Variants in RANBP2 observed in about 807,000 individuals in gnomAD.
RANBP2 encodes E3 SUMO-protein ligase RanBP2.
In RANBP2, 57 loss-of-function variants were observed where a neutral mutation model predicts 303.6. The observed-to-expected ratio is 0.19, with a 90% CI of 0.15 to 0.23. The LOEUF is 0.23. Among genes scored for constraint, RANBP2 ranks in the 10% least tolerant of loss-of-function variants. The probability of loss-of-function intolerance (pLI) is 1.00; values close to 1 mark genes in which losing one functional copy is unlikely to be tolerated. For synonymous variants in RANBP2, 1,167 were observed against 1,301.5 expected (o/e 0.90, Z 2.23); for missense variants, 3,138 against 3,780.8 (o/e 0.83, Z 4.46).
chr2:108,767,992 G>A lies in RANBP2; in HGVS notation c.7453G>A (p.Gly2485Ser), dbSNP rs762045694. 1 of 1,611,866 alleles carries A rather than the reference G, an allele frequency of 6.2e-7. No individual in the cohort carries two copies. Among genetic ancestry groups the A allele is most frequent in the Admixed American group, 1.7e-5 (1 of 59,998 alleles). ...TTRERTDVIQ[G>S]DDVADATSEV... ...AAGAGAGAGGACAGATGTTATTCAG[G>A]GTGATGATGTAGCAGATGCAACTTC... is the stretch of plus-strand genomic sequence containing the variant. Residue 2485 changes from glycine (G) to serine (S), a missense_variant, in exon 20 of 29, where the codon GGT becomes AGT. Physicochemically the swap from Gly to Ser is moderately conservative, Grantham distance 56. This residue lies in a region of RANBP2 where 497 missense variants were observed against 465.8 expected (regional missense o/e 1.07). Coordinates refer to ENST00000283195, the MANE Select transcript of RANBP2 (RefSeq NM_006267.5).
chr2:108,811,241 C>CTTTT, the RANBP2 span, among the ~76,000 whole-genome samples: 1 of 46,820 alleles, frequency 2.1e-5, no homozygotes, highest in Admixed American at 2.7e-4. Context: ...CTTTCTTTCT[C>CTTTT]TCTCTCTTTT....
chr2:109,424,760 C>G, the RANBP2 span, among the ~76,000 whole-genome samples: 2 of 152,150 alleles, frequency 1.3e-5, no homozygotes, highest in African/African-American at 4.8e-5. Flanking sequence ...CCCACCGTTT[C>G]CCCCATCTCT....
At chr2:109,304,746 G>A in the RANBP2 span, among the ~76,000 whole-genome samples, 1,334 of 152,306 alleles carry the variant, frequency 8.8e-3, 15 homozygotes, top group African/African-American at 0.031. Flanking sequence ...AATCTAGGGA[G>A]AGGTGCAGCC....
the RANBP2 span, among the ~76,000 whole-genome samples, chr2:109,487,004 C>G: frequency 6.6e-6 from 1 of 152,076 alleles, no homozygotes; most frequent in Non-Finnish European, 1.5e-5. Context: ...GGAAAGTGAT[C>G]CCCCCAACAG....
chr2:109,469,375 T>C, the RANBP2 span, among the ~76,000 whole-genome samples: 1 of 151,974 alleles, frequency 6.6e-6, no homozygotes, highest in Non-Finnish European at 1.5e-5. Context: ...CGTGCTTTGC[T>C]TTGGGGCCAG....
intron 21 of RANBP2, 50 bp from the exon 22 acceptor site, chr2:108,772,439 A>G (rs1677572209): frequency 1.3e-6 from 2 of 1,525,266 alleles, no homozygotes; most frequent in African/African-American, 1.4e-5. Context: ...CTAAGCAAGG[A>G]AAACCCCCCA....
At chr2:108,798,421 GATACAGTGT>G in the RANBP2 span, 1 of 1,602,976 alleles carries the variant, frequency 6.2e-7, no homozygotes, top group African/African-American at 1.3e-5. Context: ...CTGGCATTTT[GATACAGTGT>G]GAAACTGCAG....
chr2:108,723,542 C>G (rs1347699431), intron 1 of RANBP2, among the ~76,000 whole-genome samples: 1 of 152,030 alleles, frequency 6.6e-6, no homozygotes, highest in African/African-American at 2.4e-5. Context: ...CCCAAAGTGC[C>G]GGGGTTACAG....
chr2:109,329,122 G>T, the RANBP2 span, among the ~76,000 whole-genome samples: 6 of 152,106 alleles, frequency 3.9e-5, no homozygotes, highest in Admixed American at 2.6e-4. Flanking sequence ...ATCTCCAAAT[G>T]TTCCCCTCTC....
chr2:108,966,691 T>C, the RANBP2 span, among the ~76,000 whole-genome samples: 1 of 152,214 alleles, frequency 6.6e-6, no homozygotes, highest in Non-Finnish European at 1.5e-5. Flanking sequence ...GAGCTTCAGC[T>C]GTGTTGGCTC....
chr2:109,358,214 A>G, the RANBP2 span, among the ~76,000 whole-genome samples: 1 of 152,190 alleles, frequency 6.6e-6, no homozygotes, highest in Non-Finnish European at 1.5e-5. Context: ...ATGTCTTTTC[A>G]TAGCTTAATA....
chr2:108,816,024 T>G, the RANBP2 span: 2 of 1,613,806 alleles, frequency 1.2e-6, no homozygotes, highest in South Asian at 1.1e-5. Flanking sequence ...AAGTGAAACA[T>G]GAAGAATCTG....
the RANBP2 span, among the ~76,000 whole-genome samples, chr2:109,610,095 G>GT: frequency 0.17 from 23,913 of 143,252 alleles, 2,233 homozygotes; most frequent in South Asian, 0.24. Flanking sequence ...TCCCTGAGGT[G>GT]TTTTTTTTTT....
chr2:109,533,026 A>G, the RANBP2 span, among the ~76,000 whole-genome samples: 1 of 151,802 alleles, frequency 6.6e-6, no homozygotes, highest in East Asian at 2.0e-4. Flanking sequence ...TGGGGCTCAC[A>G]CTCTAGAGAC....
the RANBP2 span, among the ~76,000 whole-genome samples, chr2:109,541,692 CT>C: frequency 6.6e-6 from 1 of 152,240 alleles, no homozygotes; most frequent in Non-Finnish European, 1.5e-5. Flanking sequence ...CATGCTGTGC[CT>C]TGTACTAGGA....
chr2:109,636,564 A>G, the RANBP2 span, among the ~76,000 whole-genome samples: 1 of 152,200 alleles, frequency 6.6e-6, no homozygotes, highest in African/African-American at 2.4e-5. Flanking sequence ...ATATGACAAC[A>G]GAATGCAACA....
At chr2:109,035,645 C>T in the RANBP2 span, among the ~76,000 whole-genome samples, 1 of 152,170 alleles carries the variant, frequency 6.6e-6, no homozygotes, top group Non-Finnish European at 1.5e-5. Flanking sequence ...TGGCAATACC[C>T]ACCCTATCCC....
the RANBP2 span, among the ~76,000 whole-genome samples, chr2:109,486,209 T>A: frequency 1.5e-4 from 23 of 152,372 alleles, no homozygotes; most frequent in East Asian, 4.2e-3. Context: ...CATTGGCTTC[T>A]GATTGATCAC....
At chr2:109,395,922 G>C in the RANBP2 span, among the ~76,000 whole-genome samples, 1 of 152,228 alleles carries the variant, frequency 6.6e-6, no homozygotes, top group Non-Finnish European at 1.5e-5. Context: ...GGTCACAGGA[G>C]GACTAAGTGA....
Sources: allele counts gnomAD v4.1 joint callset (sites outside exome capture counted in the v4.1 genomes callset), GRCh38; gene constraint gnomAD v4.1.1; regional missense constraint gnomAD v4.1.1; transcripts MANE v1.5; gene names NCBI Gene and HGNC (gene_info 2026-07-23, HGNC 2026-07-21).